Variants in NOTCH2NLR observed in about 807,000 individuals in gnomAD.
NOTCH2NLR encodes the protein notch 2 N-terminal like R.
NOTCH2NLR carries 33 observed loss-of-function variants against 35.6 expected under a neutral mutation model. The observed-to-expected ratio is 0.93, with a 90% CI of 0.70 to 1.24. The LOEUF is 1.24. NOTCH2NLR is among the 50% of genes most tolerant of loss of function. The pLI is 0.00. For synonymous variants in NOTCH2NLR, 103 were observed against 141.0 expected (o/e 0.73, Z 1.91); for missense variants, 276 against 362.2 (o/e 0.76, Z 1.93).
intron 1 of NOTCH2NLR, among the ~76,000 whole-genome samples, chr1:120,728,539 C>T (rs1318401833): frequency 8.6e-6 from 1 of 116,922 alleles, no homozygotes; most frequent in Admixed American, 8.2e-5. Context: ...CACTGCCATC[C>T]ACCCCCTGCC....
Position 120,785,163 on chromosome 1 carries a change from C to T in NOTCH2NLR, c.345C>T (p.Cys115=), listed in dbSNP as rs1571028716. Residue 115 remains cysteine, a synonymous_variant, in exon 3 of 5, where the codon TGC becomes TGT. Coordinates refer to ENST00000624419, the Ensembl canonical transcript of NOTCH2NLR. The stretch of plus-strand genomic sequence containing the variant: ...ATCCATGCTTTGTGTCTCGACCTTG[C>T]CTGAATGGCGGCACATGCCATATGC... The T allele has an allele frequency of 5.5e-6, 8 of 1,446,334 alleles. 2 individuals are homozygous for T. The East Asian group carries it at 1.9e-4, about 34-fold the overall frequency. 89.6% of individuals were successfully genotyped at this position (1,446,334 alleles called of 1,614,324 possible). A position where few individuals can be genotyped will look rare whatever the true frequency, so the allele number is the denominator to read the frequency against.
At chr1:120,781,847 C>T (rs1231372592) in intron 2 of NOTCH2NLR, among the ~76,000 whole-genome samples, 4 of 117,514 alleles carry the variant, frequency 3.4e-5, no homozygotes, top group East Asian at 2.1e-4. Context: ...TGTGAGCCAC[C>T]GCACCTGGCT....
exon 1 of NOTCH2NLR, chr1:120,724,110 C>T: frequency 1.5e-6 from 2 of 1,342,810 alleles, no homozygotes; most frequent in South Asian, 1.4e-5. Flanking sequence ...GGGACCCCCT[C>T]CCCATGTGGA....
Position 120,765,202 on chromosome 1 carries a change from G to A in NOTCH2NLR, c.155+1493G>A, listed in dbSNP as rs1210525002. On this transcript the variant is annotated intron_variant, in intron 2 of 4. Coordinates refer to ENST00000624419, the Ensembl canonical transcript of NOTCH2NLR. ...ATGTGGTGCATTCTCCTCTAAGAAT[G>A]GAGATACAACTGGAGATAATAAGGG... is the stretch of plus-strand genomic sequence containing the variant. 1.5e-4 allele frequency among the ~76,000 whole-genome samples: 18 copies of A among 117,044 alleles called. 1 individual carries two copies. In the South Asian group the frequency reaches 4.6e-3, roughly 30 times the overall value. The allele number at this position is 117,044 out of a possible 152,430, so 76.8% of individuals were successfully genotyped here. A position where few individuals can be genotyped will look rare whatever the true frequency, so the allele number is the denominator to read the frequency against.
At chr1:120,752,550 ATATATTT>A (rs1651031486) in intron 1 of NOTCH2NLR, among the ~76,000 whole-genome samples, 1 of 9,860 alleles carries the variant, frequency 1.0e-4, no homozygotes, top group Non-Finnish European at 1.7e-4. Context: ...ATATATATAT[ATATATTT>A]TTTTTTTTTT....
intron 1 of NOTCH2NLR, among the ~76,000 whole-genome samples, chr1:120,752,519 A>ATAT (rs1651027767): frequency 1.4e-4 from 2 of 14,664 alleles, no homozygotes; most frequent in African/African-American, 9.3e-4. Context: ...GAAGTTCAGG[A>ATAT]ATATATATAT....
chr1:120,742,299 C>G (rs1158803670), intron 1 of NOTCH2NLR, among the ~76,000 whole-genome samples: 1 of 29,060 alleles, frequency 3.4e-5, no homozygotes, highest in African/African-American at 5.3e-4. Flanking sequence ...TGATTTAACT[C>G]TGTGTGTGTG....
exon 3 of NOTCH2NLR, chr1:120,785,146 T>G: frequency 6.9e-7 from 1 of 1,446,598 alleles, no homozygotes; most frequent in Admixed American, 1.9e-5. Context: ...TCATCCATGC[T>G]TTGTGTCTCG....
downstream of NOTCH2NLR, among the ~76,000 whole-genome samples, chr1:120,794,223 A>T (rs1173099272): frequency 8.7e-6 from 1 of 115,358 alleles, no homozygotes; most frequent in Non-Finnish European, 1.7e-5. Flanking sequence ...AAAGATAGAA[A>T]TAAAAAGAGG....
chr1:120,794,376 A>G (rs1267269507), downstream of NOTCH2NLR, among the ~76,000 whole-genome samples: 8 of 112,782 alleles, frequency 7.1e-5, 3 homozygotes, highest in South Asian at 1.0e-3. Flanking sequence ...CAAGCAGCTG[A>G]AGCAGATGAA....
chr1:120,784,625 C>T (rs1210471881), intron 2 of NOTCH2NLR, among the ~76,000 whole-genome samples: 1 of 118,630 alleles, frequency 8.4e-6, no homozygotes, highest in Non-Finnish European at 1.6e-5. Flanking sequence ...ACCCCACACC[C>T]TCATCCCCAG....
rs1341888522 is a variant in NOTCH2NLR at position 120,768,615 on chromosome 1, A to C, written c.155+4906A>C. ...GGGGTGTACCTTCACGATAAAAAAA[A>C]AAAACAAAACTGTAAATGTGGGTTT... On this transcript the variant is annotated intron_variant, in intron 2 of 4. Transcript: ENST00000624419. Among the ~76,000 whole-genome samples, 46 of 110,934 alleles carry C rather than the reference A, an allele frequency of 4.1e-4. 11 individuals carry two copies. Among genetic ancestry groups the C allele is most frequent in the South Asian group, 8.0e-4 (3 of 3,772 alleles). The allele number at this position is 110,934 out of a possible 152,430, so 72.8% of individuals were successfully genotyped here.
chr1:120,724,793 G>T (rs1279226896), intron 1 of NOTCH2NLR, among the ~76,000 whole-genome samples: 2 of 104,640 alleles, frequency 1.9e-5, no homozygotes, highest in Non-Finnish European at 3.7e-5. Context: ...CGGCGCGCCT[G>T]AGTTTTGACA....
chr1:120,793,669 A>T lies in NOTCH2NLR; in HGVS notation c.752-78A>T, dbSNP rs1651521330. 3.9e-5 allele frequency: 24 copies of T among 615,520 alleles called. 4 individuals are homozygous for T. The Admixed American group carries it at 3.9e-4, about 10-fold the overall frequency. 38.1% of individuals were successfully genotyped at this position (615,520 alleles called of 1,614,324 possible). On this transcript the variant is annotated intron_variant, in intron 4 of 4. Coordinates refer to ENST00000624419, the Ensembl canonical transcript of NOTCH2NLR. ...TTTATGGGCCCACTGTGGTCCATAA[A>T]CTGAGCAGGGGATAATTTAGCATGT...
intron 2 of NOTCH2NLR, 36 bp from the exon 3 acceptor site, chr1:120,784,938 C>G: frequency 8.0e-7 from 1 of 1,242,254 alleles, no homozygotes; most frequent in Non-Finnish European, 1.1e-6. Flanking sequence ...TACAAGAAGT[C>G]AGGTGTTTTC....
chr1:120,724,209 C>T lies in NOTCH2NLR; in HGVS notation c.32C>T (p.Ala11Val), dbSNP rs1283199927. The T allele has an allele frequency of 3.0e-5, 42 of 1,405,712 alleles. 9 individuals carry two copies. The highest frequency in any genetic ancestry group is 2.2e-4 in the East Asian group (9 of 41,208). The allele number at this position is 1,405,712 out of a possible 1,614,324, so 87.1% of individuals were successfully genotyped here. ...GCCCTGCGTCCCGCTCTGCTGTGGG[C>T]GCTGCTGGCGCTCTGGCTGTGCTGG... The change falls in exon 1 of 5, where the codon GCG (alanine) becomes GTG (valine). Residue 11 changes from alanine (A) to valine (V), a missense_variant. Physicochemically the swap from Ala to Val is moderately conservative, Grantham distance 64. Transcript: ENST00000624419.
chr1:120,793,380 G>T lies in NOTCH2NLR; in HGVS notation c.635G>T (p.Gly212Val). The T allele has an allele frequency of 4.2e-6, 6 of 1,434,610 alleles. 2 individuals are homozygous for T. In the South Asian group the frequency reaches 7.2e-5, roughly 17 times the overall value. The allele number at this position is 1,434,610 out of a possible 1,614,324, so 88.9% of individuals were successfully genotyped here. Reference sequence around the variant, plus strand: ...TCCTACCAGTGCCAGTGCCTTCAGGGCTTCACAGGCCAGTACTGTGACAGA... The same window carrying T: ...TCCTACCAGTGCCAGTGCCTTCAGGTCTTCACAGGCCAGTACTGTGACAGA... The change falls in exon 4 of 5, where the codon GGC becomes GTC. Residue 212 changes from glycine to valine, a missense_variant. Coordinates refer to ENST00000624419, the Ensembl canonical transcript of NOTCH2NLR.
rs1312713399 is a variant in NOTCH2NLR at position 120,778,605 on chromosome 1, C to CA, written c.156-6369_156-6368insA. On this transcript the variant is annotated intron_variant, in intron 2 of 4. Transcript: ENST00000624419. The stretch of plus-strand genomic sequence containing the variant: ...GTTTTTTTTTGAATGGCCAAATCCT[C>CA]GTTTTAAAAAAAAAAAAAAAAAAAA... Among the ~76,000 whole-genome samples, 29 of 16,258 alleles carry CA rather than the reference C, an allele frequency of 1.8e-3. 5 individuals carry two copies. In the African/African-American group the frequency reaches 0.024, roughly 13 times the overall value. The allele number at this position is 16,258 out of a possible 152,430, so 10.7% of individuals were successfully genotyped here.
chr1:120,768,606 A>G lies in NOTCH2NLR; in HGVS notation c.155+4897A>G, dbSNP rs1206589809. ...GCATGAACTGGGGTGTACCTTCACGATAAAAAAAAAAAACAAAACTGTAAA... is the reference window on the plus strand; with the variant it reads ...GCATGAACTGGGGTGTACCTTCACGGTAAAAAAAAAAAACAAAACTGTAAA... On this transcript the variant is annotated intron_variant, in intron 2 of 4. Transcript: ENST00000624419. Among the ~76,000 whole-genome samples the G allele has an allele frequency of 4.6e-3, 505 of 109,656 alleles. 93 individuals are homozygous for G. Among genetic ancestry groups the G allele is most frequent in the Middle Eastern group, 7.9e-3 (2 of 254 alleles). The allele number at this position is 109,656 out of a possible 152,430, so 71.9% of individuals were successfully genotyped here. A position where few individuals can be genotyped will look rare whatever the true frequency, so the allele number is the denominator to read the frequency against.
Sources: gnomAD v4.1 joint callset for allele counts (sites outside exome capture counted in the v4.1 genomes callset) on GRCh38, gnomAD v4.1.1 for gene constraint, MANE v1.5 for transcripts, NCBI Gene and HGNC (gene_info 2026-07-23, HGNC 2026-07-21) for gene names.